TERT: variants seen among roughly 807,000 people sequenced by gnomAD.
TERT encodes the protein telomerase catalytic subunit.
In TERT, 42 loss-of-function variants were observed where a neutral mutation model predicts 104.0. That is an observed-to-expected ratio of 0.40 (90% confidence interval 0.32 to 0.52). The LOEUF is 0.52. TERT is among the 20% of genes least tolerant of loss of function. The pLI is 0.43. For missense variants in TERT, 1,101 were observed against 1,610.3 expected (o/e 0.68, Z 5.41); for synonymous variants, 781 against 725.6 (o/e 1.08, Z -1.23).
intron 4 of TERT, 147 bp from the exon 5 acceptor site, chr5:1,279,617 A>T: frequency 1.2e-6 from 1 of 809,282 alleles, no homozygotes; most frequent in South Asian, 1.5e-5. Context: ...GCTTCCTCAG[A>T]CCCTGTTTGA....
chr5:1,287,845 C>T lies in TERT; in HGVS notation c.1574-5221G>A, dbSNP rs1299186951. Among the ~76,000 whole-genome samples the T allele has an allele frequency of 2.6e-5, 4 of 151,832 alleles. No homozygotes were observed. The highest frequency in any genetic ancestry group is 9.7e-5 in the African/African-American group (4 of 41,308). On this transcript the variant is annotated intron_variant, in intron 2 of 15. Coordinates refer to ENST00000310581, the MANE Select transcript of TERT (RefSeq NM_198253.3). The surrounding 1 kb of genome is among the most constrained non-coding windows in gnomAD (Gnocchi z 4.3). ...ACCTTAATAAGCTGGATATAGTGAA[C>T]ATGCATGCCCACTATTGACAGGATG...
intron 10 of TERT, 26 bp from the exon 11 acceptor site, chr5:1,264,618 C>G (rs58476723): frequency 6.2e-7 from 1 of 1,613,266 alleles, no homozygotes; most frequent in African/African-American, 1.3e-5. Flanking sequence ...AATGTCAGCC[C>G]CAGGATGCGG....
intron 9 of TERT, among the ~76,000 whole-genome samples, chr5:1,267,977 G>C (rs560960149): frequency 1.5e-4 from 22 of 151,338 alleles, no homozygotes; most frequent in Admixed American, 1.4e-3. Context: ...AGAACTTAAA[G>C]TATTAAAAAA....
At chr5:1,282,195 C>T (rs1750066584) in intron 3 of TERT, among the ~76,000 whole-genome samples, 1 of 152,232 alleles carries the variant, frequency 6.6e-6, no homozygotes, top group Admixed American at 6.5e-5. Flanking sequence ...GCTTTACAAA[C>T]CCTAGAGACC....
At chr5:1,291,178 A>G (rs113883055) in intron 2 of TERT, among the ~76,000 whole-genome samples, 1,243 of 80,722 alleles carry the variant, frequency 0.015, 149 homozygotes, top group African/African-American at 0.068. Flanking sequence ...AGGGACACCC[A>G]GGGACGGTGC....
chr5:1,267,134 A>G (rs1748665910), intron 9 of TERT, among the ~76,000 whole-genome samples: 1 of 152,220 alleles, frequency 6.6e-6, no homozygotes, highest in African/African-American at 2.4e-5. Context: ...TGTTACATAA[A>G]CTTATTTCAA....
At chr5:1,260,721 C>G in intron 11 of TERT, 121 bp from the exon 12 acceptor site, 1 of 1,400,494 alleles carries the variant, frequency 7.1e-7, no homozygotes, top group South Asian at 1.2e-5. Flanking sequence ...CTGGGGCATG[C>G]GCTGCAGCCC....
chr5:1,279,097 CAGTCGGCCCCA>C (rs1397170333), intron 5 of TERT, among the ~76,000 whole-genome samples, 183 bp downstream of exon 5: 7 of 152,212 alleles, frequency 4.6e-5, no homozygotes, highest in Non-Finnish European at 1.5e-5. Flanking sequence ...TCAGGGTGCA[CAGTCGGCCCCA>C]TGTGCTGCAG....
At position 1,294,245 on chromosome 5, in the gene TERT, A is replaced by G; in HGVS notation, c.641T>C (p.Leu214Pro). 6.3e-7 allele frequency: 1 copy of G among 1,589,894 alleles called. No individual in the cohort carries two copies. Among genetic ancestry groups the G allele is most frequent in the Non-Finnish European group, 8.5e-7 (1 of 1,174,370 alleles). The change falls in exon 2 of 16, where the codon CTG (leucine) becomes CCG (proline). Residue 214 changes from leucine to proline, a missense_variant. By Grantham distance (98) the Leu-to-Pro change is moderately conservative. Around this residue, in one of 5 missense-constraint regions of TERT, gnomAD observed 504 missense variants for 544.6 expected, o/e 0.93. Transcript: ENST00000310581. ...NHSVREAGVP[L>P]GLPAPGARRR... ...CCTCGCACCCGGGGCTGGCAGGCCC[A>G]GGGGGACCCCGGCCTCCCTGACGCT...
At chr5:1,267,948 C>A (rs1441665441) in intron 9 of TERT, among the ~76,000 whole-genome samples, 1 of 151,780 alleles carries the variant, frequency 6.6e-6, no homozygotes, top group South Asian at 2.1e-4. Context: ...CTAACCTGCA[C>A]GTCGTGCACA....
rs60307007 is a variant in TERT, at chr5:1,285,013, G to A, written c.1574-2389C>T. Among the ~76,000 whole-genome samples the A allele has an allele frequency of 7.3e-4, 87 of 118,510 alleles. 1 individual carries two copies. The highest frequency in any genetic ancestry group is 1.1e-3 in the African/African-American group (32 of 30,322). 77.7% of individuals were successfully genotyped at this position (118,510 alleles called of 152,430 possible). On this transcript the variant is annotated intron_variant, in intron 2 of 15. Coordinates refer to ENST00000310581, the MANE Select transcript of TERT (RefSeq NM_198253.3). The stretch of plus-strand genomic sequence containing the variant: ...CAGCAGGGCCTGGCGACCTCACCCC[G>A]GACCTGCATCATCCGGACTCCATAC...
chr5:1,274,398 G>A lies in TERT; in HGVS notation c.2287-2118C>T, dbSNP rs371794964. Among the ~76,000 whole-genome samples the A allele has an allele frequency of 1.1e-3, 168 of 151,878 alleles. No individual in the cohort carries two copies. The highest frequency in any genetic ancestry group is 3.8e-3 in the African/African-American group (155 of 41,134). On this transcript the variant is annotated intron_variant, in intron 6 of 15. Transcript: ENST00000310581. This position sits in a 1 kb window ranked among gnomAD's most constrained non-coding sequence, Gnocchi z 5.3. ...GAAAAGCCAATATATCAACACTGAC[G>A]AGAGGCTGCTGAAGCAGGTCTTTAG... is the stretch of plus-strand genomic sequence containing the variant.
At chr5:1,276,681 C>G (rs1345465247) in intron 6 of TERT, among the ~76,000 whole-genome samples, 1 of 46,312 alleles carries the variant, frequency 2.2e-5, no homozygotes, top group South Asian at 6.1e-4. Context: ...CCACCTACCC[C>G]ACACATGAAA....
chr5:1,253,541 G>A lies in TERT; in HGVS notation c.*187C>T, dbSNP rs556129131. ...ACACTCAGCCCTTGGCTGGACACTC[G>A]CTCAGGCCTCAGCCGGACACTCAGC... is the stretch of plus-strand genomic sequence containing the variant. On this transcript the variant is annotated 3_prime_UTR_variant, in exon 16 of 16. Coordinates refer to ENST00000310581, the MANE Select transcript of TERT (RefSeq NM_198253.3). 1.3e-5 allele frequency: 8 copies of A among 627,330 alleles called. No individual in the cohort carries two copies. The highest frequency in any genetic ancestry group is 5.4e-5 in the African/African-American group (3 of 55,312). The allele number at this position is 627,330 out of a possible 1,614,324, so 38.9% of individuals were successfully genotyped here.
chr5:1,275,129 C>A (rs1749460953), intron 6 of TERT, among the ~76,000 whole-genome samples: 1 of 152,214 alleles, frequency 6.6e-6, no homozygotes, highest in African/African-American at 2.4e-5. Flanking sequence ...CATCCCAGCA[C>A]TTTGGGAGGC....
At chr5:1,266,104 T>G (rs1748580937) in intron 10 of TERT, among the ~76,000 whole-genome samples, 1 of 151,102 alleles carries the variant, frequency 6.6e-6, no homozygotes, top group Non-Finnish European at 1.5e-5. Flanking sequence ...GGCTGCCGCC[T>G]CGGCCCTGCA....
Position 1,265,841 on chromosome 5 carries a change from G to T in TERT, c.2654+623C>A, listed in dbSNP as rs889732701. ...CACCGGCTCTGTGGGGCGCCCTTGA[G>T]GGGGACCACATTGGACAATCCCCTG... On this transcript the variant is annotated intron_variant, in intron 10 of 15. Transcript: ENST00000310581. This position sits in a 1 kb window ranked among gnomAD's most constrained non-coding sequence, Gnocchi z 6.9. 1.3e-5 allele frequency among the ~76,000 whole-genome samples: 2 copies of T among 152,164 alleles called. No individual in the cohort carries two copies. The highest frequency in any genetic ancestry group is 4.8e-5 in the African/African-American group (2 of 41,444).
rs775571629 is a variant in TERT at position 1,287,599 on chromosome 5, C to A, written c.1574-4975G>T. On this transcript the variant is annotated intron_variant, in intron 2 of 15. Coordinates refer to ENST00000310581, the MANE Select transcript of TERT (RefSeq NM_198253.3). The surrounding 1 kb of genome is among the most constrained non-coding windows in gnomAD (Gnocchi z 4.3). ...AAGCCCAGTGTGGCAGTACTAAGAG[C>A]AATTTAAAAAAAGAATTACTAGATT... Among the ~76,000 whole-genome samples, 1 of 150,944 alleles carries A rather than the reference C, an allele frequency of 6.6e-6. No individual in the cohort carries two copies. Among genetic ancestry groups the A allele is most frequent in the East Asian group, 1.9e-4 (1 of 5,170 alleles).
Position 1,288,495 on chromosome 5 carries a change from T to G in TERT, c.1573+4818A>C, listed in dbSNP as rs1750628498. 1.3e-5 allele frequency among the ~76,000 whole-genome samples: 2 copies of G among 152,122 alleles called. No homozygotes were observed. Reference sequence around the variant, plus strand: ...GGAGACAGACAGAGACACTCCAACCTGTGGCTGGACGTCAATCCATGTGAG... The same window carrying G: ...GGAGACAGACAGAGACACTCCAACCGGTGGCTGGACGTCAATCCATGTGAG... On this transcript the variant is annotated intron_variant, in intron 2 of 15. Coordinates refer to ENST00000310581, the MANE Select transcript of TERT (RefSeq NM_198253.3). This position sits in a 1 kb window ranked among gnomAD's most constrained non-coding sequence, Gnocchi z 5.3.
Sources: gnomAD v4.1 joint callset for allele counts (sites outside exome capture counted in the v4.1 genomes callset) on GRCh38, gnomAD v4.1.1 for gene constraint, gnomAD v4.1.1 regional missense constraint, Gnocchi (gnomAD v3.1) non-coding constraint, MANE v1.5 for transcripts, NCBI Gene and HGNC (gene_info 2026-07-23, HGNC 2026-07-21) for gene names.